The following SLCO1B3 variants were observed in gnomAD, a reference collection of about 807,000 sequenced individuals.
SLCO1B3 encodes liver-specific organic anion transporter 2.
In SLCO1B3, 72 loss-of-function variants were observed where a neutral mutation model predicts 71.8. The observed-to-expected ratio is 1.00, with a 90% CI of 0.83 to 1.22. The LOEUF (loss-of-function observed/expected upper bound fraction) is 1.22, where lower values mean the gene tolerates loss of function less well. Among genes scored for constraint, SLCO1B3 ranks in the 50% most tolerant of loss-of-function variants. SLCO1B3 has a pLI of 0.00. For missense variants in SLCO1B3, 911 were observed against 819.7 expected, an observed-to-expected ratio of 1.11 and a Z score of -1.36; for synonymous variants, 298 against 278.4, an observed-to-expected ratio of 1.07 and a Z score of -0.70.
Position 20,815,751 on chromosome 12 carries a change from C to A in SLCO1B3, c.13C>A (p.Gln5Lys). 2 of 1,588,498 alleles carry A rather than the reference C, an allele frequency of 1.3e-6. No individual in the cohort carries two copies. Among genetic ancestry groups the A allele is most frequent in the Admixed American group, 1.7e-5 (1 of 58,630 alleles). The change falls in exon 3 of 16, where the codon CAA becomes AAA. Residue 5 changes from glutamine to lysine, a missense_variant. Gln to Lys is a moderately conservative substitution (Grantham distance 53). Coordinates refer to ENST00000381545, the MANE Select transcript of SLCO1B3 (RefSeq NM_019844.4). Reference sequence around the variant, plus strand: ...CTGTAGTTTAATAATGGACCAACATCAACATTTGAATAAAACAGCAGAGTC... The same window carrying A: ...CTGTAGTTTAATAATGGACCAACATAAACATTTGAATAAAACAGCAGAGTC... MDQH[Q>K]HLNKTAESAS...
chr12:20,899,974 T>A (rs1214296928), intron 14 of SLCO1B3, among the ~76,000 whole-genome samples: 3 of 152,162 alleles, frequency 2.0e-5, no homozygotes, highest in Admixed American at 6.5e-5. Flanking sequence ...ACCTATATAG[T>A]GTATTAAACT....
At chr12:20,824,688 A>G (rs1485051474) in intron 3 of SLCO1B3, among the ~76,000 whole-genome samples, 2 of 152,210 alleles carry the variant, frequency 1.3e-5, no homozygotes, top group Non-Finnish European at 2.9e-5. Context: ...TCACATAAAT[A>G]TAATATAATC....
At chr12:20,866,969 A>G (rs964838006) in intron 8 of SLCO1B3, among the ~76,000 whole-genome samples, 4 of 152,108 alleles carry the variant, frequency 2.6e-5, no homozygotes, top group Non-Finnish European at 4.4e-5. Flanking sequence ...TTTTTTCTGA[A>G]AAGTTATGAC....
At chr12:20,841,794 G>A (rs1411270266) in intron 3 of SLCO1B3, among the ~76,000 whole-genome samples, 1 of 151,706 alleles carries the variant, frequency 6.6e-6, no homozygotes, top group Non-Finnish European at 1.5e-5. Flanking sequence ...GTACTGTTGG[G>A]ATTTTTTTAT....
intron 15 of SLCO1B3, among the ~76,000 whole-genome samples, chr12:20,906,471 A>G (rs1475684325): frequency 6.6e-6 from 1 of 152,230 alleles, no homozygotes; most frequent in Non-Finnish European, 1.5e-5. Context: ...CAACATAAAA[A>G]GTGAACTCTA....
At chr12:20,871,074 G>C (rs1039552211) in intron 8 of SLCO1B3, among the ~76,000 whole-genome samples, 1 of 152,096 alleles carries the variant, frequency 6.6e-6, no homozygotes, top group Admixed American at 6.6e-5. Context: ...ATGTATTGTT[G>C]AATTTGGTTT....
chr12:20,895,973 G>T (rs1341836831), intron 13 of SLCO1B3, among the ~76,000 whole-genome samples: 2 of 152,160 alleles, frequency 1.3e-5, no homozygotes, highest in African/African-American at 4.8e-5. Flanking sequence ...CAAGGCTTGG[G>T]GCTTGCACCA....
intron 5 of SLCO1B3, among the ~76,000 whole-genome samples, chr12:20,859,953 CTTTT>C (rs768328762): frequency 8.5e-6 from 1 of 118,000 alleles, no homozygotes; most frequent in Non-Finnish European, 1.8e-5. Context: ...CTGATCATTT[CTTTT>C]TTTTTTTTTT....
rs1462335667 is a variant in SLCO1B3 at position 20,881,149 on chromosome 12, TATC to T, written c.1497+130_1497+132del. 6.8e-5 allele frequency: 44 copies of T among 650,528 alleles called. 1 individual carries two copies. In the Middle Eastern group the frequency reaches 1.0e-3, roughly 15 times the overall value. The allele number at this position is 650,528 out of a possible 1,614,324, so 40.3% of individuals were successfully genotyped here. Reference sequence around the variant, plus strand: ...AGATAAAACAAAAAGATTCCAGTATTATCTGTCCTCGTGATAGCTGTGAAGTGT... The same window carrying T: ...AGATAAAACAAAAAGATTCCAGTATTTGTCCTCGTGATAGCTGTGAAGTGT... On this transcript the variant is annotated intron_variant, in intron 12 of 15. Transcript: ENST00000381545.
chr12:20,810,790 T>G (rs1864097852), intron 1 of SLCO1B3, 26 bp downstream of exon 1: 1 of 152,228 alleles, frequency 6.6e-6, no homozygotes. Context: ...GTTGTCTAAT[T>G]AAAACATTTC....
intron 8 of SLCO1B3, among the ~76,000 whole-genome samples, chr12:20,869,576 ACACT>A (rs1865441570): frequency 6.6e-6 from 1 of 152,204 alleles, no homozygotes; most frequent in South Asian, 2.1e-4. Context: ...CTTGCCGCTC[ACACT>A]CAGTATTTGT....
At chr12:20,880,620 G>T (rs1398690511) in intron 11 of SLCO1B3, among the ~76,000 whole-genome samples, 1 of 151,672 alleles carries the variant, frequency 6.6e-6, no homozygotes, top group East Asian at 1.9e-4. Flanking sequence ...GTCATGTCTT[G>T]GTAAAGAAGG....
chr12:20,848,214 G>A (rs1864954790), intron 3 of SLCO1B3, among the ~76,000 whole-genome samples: 1 of 152,042 alleles, frequency 6.6e-6, no homozygotes. Flanking sequence ...ATATACAGAT[G>A]GTAAACAACT....
chr12:20,877,051 G>A (rs2121296702), intron 9 of SLCO1B3, among the ~76,000 whole-genome samples: 1 of 152,164 alleles, frequency 6.6e-6, no homozygotes, highest in South Asian at 2.1e-4. Flanking sequence ...GGCTGGTCTG[G>A]AACTCCTGAG....
chr12:20,829,305 A>T (rs1481783741), intron 3 of SLCO1B3, among the ~76,000 whole-genome samples: 1 of 152,186 alleles, frequency 6.6e-6, no homozygotes, highest in Non-Finnish European at 1.5e-5. Context: ...CTGCCTAGGA[A>T]TGGGGCCCAG....
intron 15 of SLCO1B3, among the ~76,000 whole-genome samples, chr12:20,914,366 A>G (rs2120471097): frequency 6.6e-6 from 1 of 152,234 alleles, no homozygotes; most frequent in African/African-American, 2.4e-5. Flanking sequence ...GTAACACTTT[A>G]TTAGTTCACA....
rs1006708034 is a variant in SLCO1B3, at chr12:20,909,165, C to CTTT, written c.1866-6823_1866-6821dup. On this transcript the variant is annotated intron_variant, in intron 15 of 15. Coordinates refer to ENST00000381545, the MANE Select transcript of SLCO1B3 (RefSeq NM_019844.4). ...GACATAAGATGTGAAGCATCTTTTT[C>CTTT]TTTTTTTTTTTTTTTTTTGAGACAG... Among the ~76,000 whole-genome samples the CTTT allele has an allele frequency of 8.2e-4, 102 of 123,886 alleles. No homozygotes were observed. In the South Asian group the frequency reaches 0.017, roughly 21 times the overall value. 81.3% of individuals were successfully genotyped at this position (123,886 alleles called of 152,430 possible). A position where few individuals can be genotyped will look rare whatever the true frequency, so the allele number is the denominator to read the frequency against.
intron 3 of SLCO1B3, among the ~76,000 whole-genome samples, chr12:20,845,448 A>G (rs957426809): frequency 1.3e-5 from 2 of 152,172 alleles, no homozygotes; most frequent in African/African-American, 2.4e-5. Flanking sequence ...TGACTACCGC[A>G]TTTGTCTCAA....
In SLCO1B3 at chr12:20,879,538, T is replaced by A; in HGVS notation, c.1238T>A (p.Leu413His). The A allele has an allele frequency of 6.2e-7, 1 of 1,612,470 alleles. No homozygotes were observed. The highest frequency in any genetic ancestry group is 8.5e-7 in the Non-Finnish European group (1 of 1,178,822). ...SLVGIAKFSF[L>H]TSMISFLFQL... is the part of the protein sequence containing the mutation. ...GTTGGAATTGCCAAATTTTCATTTC[T>A]TACTTCGATGATATCCTTCTTGTTT... Residue 413 changes from leucine to histidine, a missense_variant, in exon 11 of 16, where the codon CTT becomes CAT. Physicochemically the swap from Leu to His is moderately conservative, Grantham distance 99. Transcript: ENST00000381545.
Sources: allele counts gnomAD v4.1 joint callset (sites outside exome capture counted in the v4.1 genomes callset), GRCh38; gene constraint gnomAD v4.1.1; transcripts MANE v1.5; gene names NCBI Gene and HGNC (gene_info 2026-07-23, HGNC 2026-07-21).